MYT1L: variants seen among roughly 807,000 people sequenced by gnomAD.
MYT1L encodes the protein myelin transcription factor 1-like protein.
In MYT1L, 12 loss-of-function variants were observed where a neutral mutation model predicts 126.7. That is an observed-to-expected ratio of 0.09 (90% CI 0.06 to 0.15). The LOEUF (loss-of-function observed/expected upper bound fraction) is 0.15, where lower values mean the gene tolerates loss of function less well. MYT1L is among the 10% of genes least tolerant of loss of function. The pLI is 1.00. For synonymous variants in MYT1L, 541 were observed against 604.2 expected (o/e 0.90, Z 1.53); for missense variants, 979 against 1,585.2 (o/e 0.62, Z 6.49).
At position 1,791,084 on chromosome 2, in the gene MYT1L, T is replaced by G; in HGVS notation, c.*783A>C. 1 of 389,540 alleles carries G rather than the reference T, an allele frequency of 2.6e-6. No individual in the cohort carries two copies. The allele number at this position is 389,540 out of a possible 1,614,324, so 24.1% of individuals were successfully genotyped here. On this transcript the variant is annotated 3_prime_UTR_variant, in exon 25 of 25. Transcript: ENST00000647738. The surrounding 1 kb of genome is among the most constrained non-coding windows in gnomAD (Gnocchi z 6.0). ...TGGAGTTTCCATAGTCACAACCATG[T>G]AACGCTTAGGAGTTAATTTAAAAGT...
intron 1 of MYT1L, among the ~76,000 whole-genome samples, chr2:2,309,325 T>C (rs1416696205): frequency 1.3e-5 from 2 of 151,586 alleles, no homozygotes; most frequent in Non-Finnish European, 2.9e-5. Context: ...ATACTCTATC[T>C]ATACTCTATC....
In MYT1L at chr2:2,270,488, G is replaced by C. The variant is rs56179019; in HGVS notation, c.-421+13916C>G. On this transcript the variant is annotated intron_variant, in intron 2 of 24. Transcript: ENST00000647738. ...GAGGGATGGATGAAGAGGGACAGAAGGGAATGATCTGTCACTGAATCAGAG... is the reference window on the plus strand; with the variant it reads ...GAGGGATGGATGAAGAGGGACAGAACGGAATGATCTGTCACTGAATCAGAG... 4.4e-3 allele frequency among the ~76,000 whole-genome samples: 672 copies of C among 152,232 alleles called. 2 individuals are homozygous for C. The highest frequency in any genetic ancestry group is 0.015 in the African/African-American group (639 of 41,536).
At chr2:2,179,408 C>T (rs1344185921) in intron 2 of MYT1L, among the ~76,000 whole-genome samples, 1 of 152,120 alleles carries the variant, frequency 6.6e-6, no homozygotes, top group African/African-American at 2.4e-5. Flanking sequence ...GACCCCGAAA[C>T]CTGTTCCTCC....
At chr2:1,794,521 C>G (rs1041635851) in intron 23 of MYT1L, among the ~76,000 whole-genome samples, 1 of 152,212 alleles carries the variant, frequency 6.6e-6, no homozygotes, top group East Asian at 1.9e-4. Context: ...CAACTGCTCC[C>G]CCGGCTTAGC....
intron 10 of MYT1L, among the ~76,000 whole-genome samples, chr2:1,921,105 T>C (rs2053519918): frequency 6.6e-6 from 1 of 152,250 alleles, no homozygotes; most frequent in African/African-American, 2.4e-5. Flanking sequence ...TTGAAATTTA[T>C]ACAGCAACTG....
Position 2,059,061 on chromosome 2 carries a change from T to C in MYT1L, c.-303-4938A>G, listed in dbSNP as rs1006859052. 6.6e-6 allele frequency among the ~76,000 whole-genome samples: 1 copy of C among 152,240 alleles called. No individual in the cohort carries two copies. On this transcript the variant is annotated intron_variant, in intron 3 of 24. Coordinates refer to ENST00000647738, the MANE Select transcript of MYT1L (RefSeq NM_001303052.2). The surrounding 1 kb of genome is among the most constrained non-coding windows in gnomAD (Gnocchi z 4.7). ...TCAAGGACAATTGGGTCATGTCTGC[T>C]GTTTGAGAGAAGGAAGAATTCACTC...
At chr2:2,198,211 A>T (rs1244664389) in intron 2 of MYT1L, among the ~76,000 whole-genome samples, 1 of 152,120 alleles carries the variant, frequency 6.6e-6, no homozygotes, top group Admixed American at 6.6e-5. Context: ...AGGCTAAAAC[A>T]GTTGATTTCA....
At position 2,107,500 on chromosome 2, in the gene MYT1L, G is replaced by A. The variant is rs141531982; in HGVS notation, c.-303-53377C>T. ...AGCATTTGCGGGACTCTGGTAAAGA[G>A]CTAAGTGCCCAGAATAATCAAGAAT... On this transcript the variant is annotated intron_variant, in intron 3 of 24. Coordinates refer to ENST00000647738, the MANE Select transcript of MYT1L (RefSeq NM_001303052.2). 2.6e-5 allele frequency among the ~76,000 whole-genome samples: 4 copies of A among 152,338 alleles called. No individual in the cohort carries two copies. In the South Asian group the frequency reaches 6.2e-4, roughly 24 times the overall value.
In MYT1L at chr2:2,313,119, G is replaced by A. The variant is rs567083455; in HGVS notation, c.-521+17848C>T. Among the ~76,000 whole-genome samples, 22 of 152,240 alleles carry A rather than the reference G, an allele frequency of 1.4e-4. No homozygotes were observed. The South Asian group carries it at 1.5e-3, about 10-fold the overall frequency. ...TATATATGACTGAAGGATTCATATC[G>A]TGTATTCACTACCTTCAATACATCA... On this transcript the variant is annotated intron_variant, in intron 1 of 24. Transcript: ENST00000647738.
intron 3 of MYT1L, among the ~76,000 whole-genome samples, chr2:2,082,513 G>T (rs540269737): frequency 6.6e-6 from 1 of 152,212 alleles, no homozygotes; most frequent in South Asian, 2.1e-4. Context: ...GGCATTCCAT[G>T]GCCATTAGTT....
intron 21 of MYT1L, chr2:1,828,139 G>C (rs1268419094): frequency 6.6e-6 from 1 of 152,176 alleles, no homozygotes; most frequent in Admixed American, 6.5e-5. Context: ...CGCGTTGGTT[G>C]AATGTTTACC....
chr2:1,842,450 C>G (rs897779706), intron 19 of MYT1L: 5 of 152,434 alleles, frequency 3.3e-5, no homozygotes, highest in African/African-American at 9.6e-5. Context: ...GCTCCTTCCC[C>G]TGTCTCGCTC....
At chr2:2,309,394 T>C (rs1335518331) in intron 1 of MYT1L, among the ~76,000 whole-genome samples, 2 of 151,832 alleles carry the variant, frequency 1.3e-5, no homozygotes, top group Non-Finnish European at 2.9e-5. Flanking sequence ...CTGTCTATCC[T>C]CCACCTACAC....
At chr2:2,226,313 G>A (rs9309702) in intron 2 of MYT1L, among the ~76,000 whole-genome samples, 28,321 of 151,886 alleles carry the variant, frequency 0.19, 3,232 homozygotes, top group East Asian at 0.28. Flanking sequence ...CATAATTGAG[G>A]AGGAATGAAG....
chr2:1,934,092 A>G (rs1007773435), intron 9 of MYT1L, among the ~76,000 whole-genome samples: 1 of 146,642 alleles, frequency 6.8e-6, no homozygotes, highest in African/African-American at 2.5e-5. Context: ...CTCCTGCCTC[A>G]GCCTCTGGAG....
At chr2:1,882,536 C>T (rs1476793571) in intron 18 of MYT1L, among the ~76,000 whole-genome samples, 1 of 152,202 alleles carries the variant, frequency 6.6e-6, no homozygotes, top group Admixed American at 6.5e-5. Flanking sequence ...GAGGTCAACT[C>T]ATTCCCCTGA....
chr2:2,049,909 C>T (rs935762437), intron 4 of MYT1L, among the ~76,000 whole-genome samples: 14 of 152,144 alleles, frequency 9.2e-5, no homozygotes, highest in African/African-American at 3.1e-4. Flanking sequence ...CAGTCCCAGG[C>T]ATGTCTTTAT....
At chr2:2,231,544 C>A (rs1048465672) in intron 2 of MYT1L, among the ~76,000 whole-genome samples, 1 of 152,124 alleles carries the variant, frequency 6.6e-6, no homozygotes, top group East Asian at 1.9e-4. Context: ...ACCTCCCAGG[C>A]TCAAGCAATC....
chr2:2,277,589 T>C (rs2149380201), intron 2 of MYT1L, among the ~76,000 whole-genome samples: 1 of 152,362 alleles, frequency 6.6e-6, no homozygotes, highest in Non-Finnish European at 1.5e-5. Context: ...GAAAATAAAG[T>C]TGTCCAGAGT....
Sources: allele counts gnomAD v4.1 joint callset (sites outside exome capture counted in the v4.1 genomes callset), GRCh38; gene constraint gnomAD v4.1.1; non-coding constraint Gnocchi (gnomAD v3.1); transcripts MANE v1.5; gene names NCBI Gene and HGNC (gene_info 2026-07-23, HGNC 2026-07-21).